Variants in DOK5 observed in about 807,000 individuals in gnomAD.
DOK5 encodes the protein docking protein 5.
DOK5 carries 27 observed loss-of-function variants against 43.3 expected under a neutral mutation model. The ratio of observed to expected loss-of-function variants is 0.62; its 90% CI spans 0.46 to 0.86. The LOEUF (loss-of-function observed/expected upper bound fraction) is 0.86, where lower values mean the gene tolerates loss of function less well. Among genes scored for constraint, DOK5 ranks in the 40% least tolerant of loss-of-function variants. The pLI is 0.00. For synonymous variants in DOK5, 146 were observed against 140.1 expected (o/e 1.04, Z -0.30); for missense variants, 373 against 392.9 (o/e 0.95, Z 0.43).
intron 6 of DOK5, among the ~76,000 whole-genome samples, chr20:54,641,461 C>T (rs978388445): frequency 1.3e-5 from 2 of 151,466 alleles, no homozygotes; most frequent in East Asian, 1.9e-4. Flanking sequence ...GGGATGTGTA[C>T]AGTGGAGACT....
At chr20:54,595,116 C>T (rs1568801696) in intron 5 of DOK5, among the ~76,000 whole-genome samples, 1 of 152,022 alleles carries the variant, frequency 6.6e-6, no homozygotes, top group Admixed American at 6.6e-5. Context: ...CCAAGGCGGG[C>T]AGATCACGAG....
In DOK5 at chr20:54,601,531, T is replaced by A. The variant is rs545242551; in HGVS notation, c.600-8857T>A. 3.3e-5 allele frequency among the ~76,000 whole-genome samples: 5 copies of A among 152,352 alleles called. No individual in the cohort carries two copies. In the East Asian group the frequency reaches 9.6e-4, roughly 29 times the overall value. Reference sequence around the variant, plus strand: ...TGTTCTATGACTACAGATAATTAATTTATTCTTCTGTTTGTTGGTTGGTTT... The same window carrying A: ...TGTTCTATGACTACAGATAATTAATATATTCTTCTGTTTGTTGGTTGGTTT... On this transcript the variant is annotated intron_variant, in intron 5 of 7. Transcript: ENST00000262593.
chr20:54,492,821 A>AG (rs532004420), intron 1 of DOK5, among the ~76,000 whole-genome samples: 132 of 152,014 alleles, frequency 8.7e-4, no homozygotes, highest in Non-Finnish European at 1.4e-3. Context: ...TGGGAGGCCA[A>AG]GGGGGGTGGA....
At chr20:54,549,984 C>T (rs73911957) in intron 1 of DOK5, among the ~76,000 whole-genome samples, 3,086 of 152,206 alleles carry the variant, frequency 0.02, 103 homozygotes, top group African/African-American at 0.07. Context: ...GGGAGCCAAT[C>T]GTCTCATCTG....
chr20:54,605,652 C>G (rs897184061), intron 5 of DOK5, among the ~76,000 whole-genome samples: 1 of 152,246 alleles, frequency 6.6e-6, no homozygotes, highest in Non-Finnish European at 1.5e-5. Context: ...AAAAGTTGCT[C>G]AAGGAAGCCT....
At chr20:54,619,505 C>T (rs553523283) in intron 6 of DOK5, among the ~76,000 whole-genome samples, 47 of 152,324 alleles carry the variant, frequency 3.1e-4, no homozygotes, top group African/African-American at 1.1e-3. Context: ...GCGAGAGCCT[C>T]AAGGTGAAGA....
At chr20:54,477,448 T>C (rs918798272) in intron 1 of DOK5, among the ~76,000 whole-genome samples, 1 of 152,236 alleles carries the variant, frequency 6.6e-6, no homozygotes, top group Non-Finnish European at 1.5e-5. Flanking sequence ...TGTAACAGAA[T>C]TCACCATTTC....
intron 6 of DOK5, among the ~76,000 whole-genome samples, chr20:54,619,523 C>G (rs1005444141): frequency 3.9e-5 from 6 of 152,190 alleles, no homozygotes; most frequent in African/African-American, 1.2e-4. Context: ...AGAATGCCTG[C>G]TTTTAACAGG....
At chr20:54,477,279 G>T (rs895061313) in intron 1 of DOK5, among the ~76,000 whole-genome samples, 3 of 152,196 alleles carry the variant, frequency 2.0e-5, no homozygotes, top group Non-Finnish European at 4.4e-5. Flanking sequence ...CTCAGCTAGG[G>T]AGGGAAGCCC....
intron 1 of DOK5, among the ~76,000 whole-genome samples, chr20:54,504,025 T>A (rs1982710613): frequency 6.6e-6 from 1 of 152,206 alleles, no homozygotes; most frequent in Non-Finnish European, 1.5e-5. Flanking sequence ...CCAGCTGTTG[T>A]CCATGCCACC....
At chr20:54,557,575 C>T (rs1984747191) in intron 2 of DOK5, among the ~76,000 whole-genome samples, 1 of 152,156 alleles carries the variant, frequency 6.6e-6, no homozygotes, top group African/African-American at 2.4e-5. Flanking sequence ...CCCTTTTAAC[C>T]TCATCTCTGA....
chr20:54,512,004 G>A (rs1205498282), intron 1 of DOK5, among the ~76,000 whole-genome samples: 1 of 152,160 alleles, frequency 6.6e-6, no homozygotes, highest in Non-Finnish European at 1.5e-5. Context: ...TTTGCTCTCT[G>A]TTGAACCTGT....
At chr20:54,528,465 A>G (rs746518187) in intron 1 of DOK5, among the ~76,000 whole-genome samples, 9 of 152,030 alleles carry the variant, frequency 5.9e-5, no homozygotes, top group Non-Finnish European at 1.3e-4. Context: ...AGGTTACCTC[A>G]TGGTCCAAGA....
chr20:54,475,826 A>C lies in DOK5; in HGVS notation c.-121A>C. ...CTAAAGCCTCGCCCAGCGCCGCCGAAGCAGCTTCACCTCTCCAACTTTCTC... is the reference window on the plus strand; with the variant it reads ...CTAAAGCCTCGCCCAGCGCCGCCGACGCAGCTTCACCTCTCCAACTTTCTC... On this transcript the variant is annotated 5_prime_UTR_variant, in exon 1 of 8. Coordinates refer to ENST00000262593, the MANE Select transcript of DOK5 (RefSeq NM_018431.5). This position sits in a 1 kb window ranked among gnomAD's most constrained non-coding sequence, Gnocchi z 4.2. 1 of 1,221,850 alleles carries C rather than the reference A, an allele frequency of 8.2e-7. No homozygotes were observed. Among genetic ancestry groups the C allele is most frequent in the Non-Finnish European group, 1.2e-6 (1 of 854,702 alleles). The allele number at this position is 1,221,850 out of a possible 1,614,324, so 75.7% of individuals were successfully genotyped here. A position where few individuals can be genotyped will look rare whatever the true frequency, so the allele number is the denominator to read the frequency against.
chr20:54,650,447 G>C lies in DOK5; in HGVS notation c.889G>C (p.Glu297Gln). Reference sequence around the variant, plus strand: ...CAGCCCTCTGAAGCTTCATCGAACAGAGACTTTTCCAGCCTACAGATCTGA... The same window carrying C: ...CAGCCCTCTGAAGCTTCATCGAACACAGACTTTTCCAGCCTACAGATCTGA... ...VSSPLKLHRT[E>Q]TFPAYRSEH The change falls in exon 8 of 8, where the codon GAG (glutamate) becomes CAG (glutamine). Residue 297 changes from glutamate to glutamine, a missense_variant. Glu to Gln is a conservative substitution (Grantham distance 29). Transcript: ENST00000262593. 3 of 1,614,026 alleles carry C rather than the reference G, an allele frequency of 1.9e-6. No individual in the cohort carries two copies. Among genetic ancestry groups the C allele is most frequent in the Non-Finnish European group, 2.5e-6 (3 of 1,180,010 alleles).
intron 1 of DOK5, among the ~76,000 whole-genome samples, chr20:54,520,937 C>G (rs993404247): frequency 2.0e-5 from 3 of 152,138 alleles, no homozygotes. Flanking sequence ...TCCCTTTACT[C>G]TGTAAGCTGA....
chr20:54,554,635 C>T (rs913990376), intron 1 of DOK5, among the ~76,000 whole-genome samples: 4 of 152,166 alleles, frequency 2.6e-5, no homozygotes, highest in African/African-American at 9.7e-5. Flanking sequence ...TTTATTTGTA[C>T]ATTTGGGATT....
intron 1 of DOK5, among the ~76,000 whole-genome samples, chr20:54,519,938 C>A (rs1250485282): frequency 8.5e-5 from 13 of 152,182 alleles, no homozygotes; most frequent in Admixed American, 3.3e-4. Flanking sequence ...AAAAGAGAAT[C>A]CTGTTGTCTT....
intron 6 of DOK5, among the ~76,000 whole-genome samples, chr20:54,641,025 C>T (rs1034112290): frequency 2.6e-5 from 4 of 152,074 alleles, no homozygotes; most frequent in Non-Finnish European, 5.9e-5. Context: ...ATAGTATGTA[C>T]ATAGATCAAA....
Sources: allele counts gnomAD v4.1 joint callset (sites outside exome capture counted in the v4.1 genomes callset), GRCh38; gene constraint gnomAD v4.1.1; non-coding constraint Gnocchi (gnomAD v3.1); transcripts MANE v1.5; gene names NCBI Gene and HGNC (gene_info 2026-07-23, HGNC 2026-07-21).